Variants in NCKAP5 observed in about 807,000 individuals in gnomAD.
The protein encoded by NCKAP5 is nck-associated protein 5.
In NCKAP5, 92 loss-of-function variants were observed where a neutral mutation model predicts 167.0. The observed-to-expected ratio is 0.55, with a 90% CI of 0.47 to 0.66. NCKAP5 has a LOEUF of 0.66. NCKAP5 is among the 30% of genes least tolerant of loss of function. NCKAP5 has a pLI of 0.00. For missense variants in NCKAP5, 2,378 were observed against 2,315.0 expected, an observed-to-expected ratio of 1.03 and a Z score of -0.56; for synonymous variants, 891 against 877.4, an observed-to-expected ratio of 1.02 and a Z score of -0.27.
At chr2:133,047,043 A>T (rs2149473740) in intron 6 of NCKAP5, among the ~76,000 whole-genome samples, 1 of 152,330 alleles carries the variant, frequency 6.6e-6, no homozygotes, top group Non-Finnish European at 1.5e-5. Flanking sequence ...TTGATCACAG[A>T]AACCCACTTA....
chr2:132,863,448 T>TA (rs58404202), intron 10 of NCKAP5, among the ~76,000 whole-genome samples: 193 of 127,750 alleles, frequency 1.5e-3, no homozygotes, highest in Middle Eastern at 4.1e-3. Context: ...TTCAGATGGG[T>TA]AAAAAAAAAA....
intron 8 of NCKAP5, among the ~76,000 whole-genome samples, chr2:132,962,203 A>G (rs1307550916): frequency 6.6e-6 from 1 of 152,220 alleles, no homozygotes; most frequent in African/African-American, 2.4e-5. Flanking sequence ...GTAAGTAGGA[A>G]CAAAATTAAG....
chr2:132,828,589 C>CT (rs1376431018), intron 11 of NCKAP5, among the ~76,000 whole-genome samples: 1 of 152,194 alleles, frequency 6.6e-6, no homozygotes, highest in East Asian at 1.9e-4. Flanking sequence ...AATTAAACCT[C>CT]TTTTCTTTAT....
At chr2:133,588,386 C>T in the NCKAP5 span, among the ~76,000 whole-genome samples, 7 of 141,726 alleles carry the variant, frequency 4.9e-5, no homozygotes, top group Non-Finnish European at 9.2e-5. Context: ...TCCCTCCTTC[C>T]CTTCCTTCTT....
chr2:133,206,898 G>T (rs570998031), intron 5 of NCKAP5, among the ~76,000 whole-genome samples: 1 of 152,042 alleles, frequency 6.6e-6, no homozygotes, highest in Admixed American at 6.6e-5. Context: ...ACTGAAATAC[G>T]CCCTGGTCTC....
At chr2:133,238,536 A>AT (rs1014450652) in intron 4 of NCKAP5, among the ~76,000 whole-genome samples, 1 of 152,050 alleles carries the variant, frequency 6.6e-6, no homozygotes, top group Non-Finnish European at 1.5e-5. Flanking sequence ...GTTTTTGCTT[A>AT]TTTTTTCTCA....
intron 3 of NCKAP5, chr2:133,431,702 T>C (rs1690173557): frequency 6.6e-6 from 1 of 152,200 alleles, no homozygotes; most frequent in Non-Finnish European, 1.5e-5. Context: ...ATATTTTATT[T>C]GTAGCAATCA....
chr2:133,457,531 G>T (rs755983015), intron 3 of NCKAP5, among the ~76,000 whole-genome samples: 1 of 152,136 alleles, frequency 6.6e-6, no homozygotes, highest in Non-Finnish European at 1.5e-5. Context: ...TTAAGGATGA[G>T]TGTAAAATAT....
At chr2:133,217,322 C>CA (rs1559280362) in intron 4 of NCKAP5, among the ~76,000 whole-genome samples, 2 of 151,966 alleles carry the variant, frequency 1.3e-5, no homozygotes, top group Non-Finnish European at 1.5e-5. Context: ...CCCACCTAAA[C>CA]AAAAAAACAG....
chr2:133,333,063 C>A (rs531429345), intron 3 of NCKAP5, among the ~76,000 whole-genome samples: 1 of 152,330 alleles, frequency 6.6e-6, no homozygotes, highest in South Asian at 2.1e-4. Context: ...GAATCTAAAA[C>A]GTGCCCTTGT....
chr2:133,580,366 C>T, the NCKAP5 span, among the ~76,000 whole-genome samples: 5 of 152,214 alleles, frequency 3.3e-5, no homozygotes, highest in African/African-American at 1.2e-4. Flanking sequence ...CCTCTGGTTT[C>T]TCTGAGCTCT....
chr2:133,256,011 C>T (rs899998384), intron 4 of NCKAP5, among the ~76,000 whole-genome samples: 17 of 152,054 alleles, frequency 1.1e-4, no homozygotes, highest in African/African-American at 4.1e-4. Context: ...AAATAAACAT[C>T]GTGCTTCCTA....
At chr2:133,321,646 T>C (rs1337620920) in intron 3 of NCKAP5, among the ~76,000 whole-genome samples, 2 of 152,142 alleles carry the variant, frequency 1.3e-5, no homozygotes, top group African/African-American at 4.8e-5. Context: ...AAGCGGGAAA[T>C]GAATGCCTTG....
intron 16 of NCKAP5, among the ~76,000 whole-genome samples, chr2:132,761,397 C>A (rs1373079092): frequency 1.3e-5 from 2 of 152,202 alleles, no homozygotes; most frequent in East Asian, 3.8e-4. Context: ...CCACTGGTCA[C>A]CCTAGCTCCA....
At chr2:133,577,083 C>A in the NCKAP5 span, among the ~76,000 whole-genome samples, 1 of 152,156 alleles carries the variant, frequency 6.6e-6, no homozygotes, top group Non-Finnish European at 1.5e-5. Flanking sequence ...CCTTCCCACC[C>A]CCAACATCAA....
intron 3 of NCKAP5, among the ~76,000 whole-genome samples, chr2:133,369,561 A>G (rs1490710502): frequency 6.6e-6 from 1 of 152,214 alleles, no homozygotes; most frequent in Non-Finnish European, 1.5e-5. Context: ...TCAATTTGCA[A>G]TGTGGCTTGA....
chr2:133,190,882 A>C (rs933311573), intron 5 of NCKAP5, among the ~76,000 whole-genome samples: 4 of 152,022 alleles, frequency 2.6e-5, no homozygotes, highest in Admixed American at 6.6e-5. Context: ...ATGACTAAAA[A>C]ACCAAAAGCA....
At chr2:133,414,531 G>C (rs1419283941) in intron 3 of NCKAP5, among the ~76,000 whole-genome samples, 1 of 152,080 alleles carries the variant, frequency 6.6e-6, no homozygotes, top group Admixed American at 6.6e-5. Context: ...CCAAAAAAAA[G>C]CAACTCACAT....
intron 7 of NCKAP5, among the ~76,000 whole-genome samples, chr2:132,975,587 C>T (rs1187419728): frequency 6.6e-6 from 1 of 152,094 alleles, no homozygotes; most frequent in East Asian, 1.9e-4. Context: ...GAAAAGTTCC[C>T]CTAGAATTTC....
Sources: allele counts gnomAD v4.1 joint callset (sites outside exome capture counted in the v4.1 genomes callset), GRCh38; gene constraint gnomAD v4.1.1; transcripts MANE v1.5; gene names NCBI Gene and HGNC (gene_info 2026-07-23, HGNC 2026-07-21).